Variants in ARFGAP1 observed in about 807,000 individuals in gnomAD.
The protein encoded by ARFGAP1 is ARF GTPase activating protein 1, also known as ADP-ribosylation factor GTPase-activating protein 1.
A neutral mutation model predicts 54.0 loss-of-function variants in ARFGAP1; 26 were observed. The ratio of observed to expected loss-of-function variants is 0.48; its 90% CI spans 0.35 to 0.67. The LOEUF is 0.67. ARFGAP1 is among the 30% of genes least tolerant of loss of function. The probability of loss-of-function intolerance (pLI) is 0.00; values close to 1 mark genes in which losing one functional copy is unlikely to be tolerated. For missense variants in ARFGAP1, 525 were observed against 535.8 expected (o/e 0.98, Z 0.20); for synonymous variants, 248 against 211.9 (o/e 1.17, Z -1.48).
At chr20:63,286,052 T>G (rs1442362551) in intron 11 of ARFGAP1, 1 of 1,549,508 alleles carries the variant, frequency 6.5e-7, no homozygotes, top group Non-Finnish European at 8.7e-7. Flanking sequence ...TTGTCCTGTT[T>G]CCTGGCATGA....
intron 7 of ARFGAP1, 64 bp downstream of exon 7, chr20:63,279,059 C>T: frequency 6.7e-7 from 1 of 1,503,616 alleles, no homozygotes; most frequent in Non-Finnish European, 9.2e-7. Flanking sequence ...CACGACGGGC[C>T]ATAGTGGGCA....
At chr20:63,284,343 G>A (rs2067466641) in intron 9 of ARFGAP1, 1 of 1,066,594 alleles carries the variant, frequency 9.4e-7, no homozygotes, top group Non-Finnish European at 1.1e-6. Context: ...GGAAGAGGAG[G>A]CCTCACACCA....
At chr20:63,280,274 T>A (rs577224910) in intron 7 of ARFGAP1, among the ~76,000 whole-genome samples, 1 of 152,332 alleles carries the variant, frequency 6.6e-6, no homozygotes, top group South Asian at 2.1e-4. Flanking sequence ...TTGTTTTTTG[T>A]TTTTTTGTTT....
Position 63,287,681 on chromosome 20 carries a change from C to T in ARFGAP1, c.1029C>T (p.Ser343=), listed in dbSNP as rs2067597168. 1.9e-6 allele frequency: 3 copies of T among 1,612,512 alleles called. No homozygotes were observed. Among genetic ancestry groups the T allele is most frequent in the Non-Finnish European group, 2.5e-6 (3 of 1,179,894 alleles). Reference sequence around the variant, plus strand: ...CTGAGCCCACCAAGACCCGCAAGTCCCCGAGCAGCGACAGCTGGACGTGCG... The same window carrying T: ...CTGAGCCCACCAAGACCCGCAAGTCTCCGAGCAGCGACAGCTGGACGTGCG... The part of the protein sequence containing the change: ...GSAEPTKTRK[S]PSSDSWTCAD... Residue 343 remains serine (S), a synonymous_variant, in exon 13 of 13, where the codon TCC becomes TCT. Coordinates refer to ENST00000370283, the MANE Select transcript of ARFGAP1 (RefSeq NM_018209.4).
chr20:63,276,940 G>A lies in ARFGAP1; in HGVS notation c.343-265G>A, dbSNP rs907438419. Among the ~76,000 whole-genome samples the A allele has an allele frequency of 1.3e-5, 2 of 152,182 alleles. No individual in the cohort carries two copies. Among genetic ancestry groups the A allele is most frequent in the African/African-American group, 4.8e-5 (2 of 41,432 alleles). On this transcript the variant is annotated intron_variant, in intron 4 of 12. Transcript: ENST00000370283. This position sits in a 1 kb window ranked among gnomAD's most constrained non-coding sequence, Gnocchi z 5.2. The stretch of plus-strand genomic sequence containing the variant: ...CACAGTGTTTCTAAGAAGTCTGGAG[G>A]CCAAATAGGTGGGTCCCCCTGTGTT...
At chr20:63,278,093 CCAG>C in intron 5 of ARFGAP1, 21 bp from the exon 6 acceptor site, 1 of 1,612,364 alleles carries the variant, frequency 6.2e-7, no homozygotes, top group Non-Finnish European at 8.5e-7. Flanking sequence ...TTTGGCCTTA[CCAG>C]CCTTCGATTC....
chr20:63,284,436 A>AT (rs2067469448), intron 9 of ARFGAP1: 1 of 1,079,984 alleles, frequency 9.3e-7, no homozygotes, highest in Non-Finnish European at 1.1e-6. Flanking sequence ...GCTTCTTCCT[A>AT]TGGCCCCAGC....
chr20:63,284,229 G>T, intron 9 of ARFGAP1: 1 of 1,220,244 alleles, frequency 8.2e-7, no homozygotes, highest in Non-Finnish European at 1.0e-6. Context: ...AGGGTTTCCT[G>T]GCCACCTGCG....
chr20:63,289,759 C>T lies in ARFGAP1; in HGVS notation c.*1886C>T, dbSNP rs931812777. The T allele has an allele frequency of 3.9e-5, 6 of 152,434 alleles. No homozygotes were observed. Among genetic ancestry groups the T allele is most frequent in the African/African-American group, 7.2e-5 (3 of 41,570 alleles). 9.4% of individuals were successfully genotyped at this position (152,434 alleles called of 1,614,324 possible). A position where few individuals can be genotyped will look rare whatever the true frequency, so the allele number is the denominator to read the frequency against. On this transcript the variant is annotated 3_prime_UTR_variant, in exon 13 of 13. Coordinates refer to ENST00000370283, the MANE Select transcript of ARFGAP1 (RefSeq NM_018209.4). ...GCCCAGGTGGAAGGCGCGGACCTGA[C>T]AGCATTCCAATAAAGCATACGGGAA...
At chr20:63,273,527 T>C (rs2067156428) in intron 1 of ARFGAP1, 1 of 152,260 alleles carries the variant, frequency 6.6e-6, no homozygotes, top group African/African-American at 2.4e-5. Context: ...AGGTATTTGC[T>C]TTCGTGTTAC....
At position 63,276,607 on chromosome 20, in the gene ARFGAP1, C is replaced by A; in HGVS notation, c.298C>A (p.Gln100Lys). The A allele has an allele frequency of 6.2e-7, 1 of 1,613,784 alleles. No individual in the cohort carries two copies. The highest frequency in any genetic ancestry group is 1.1e-5 in the South Asian group (1 of 91,060). Residue 100 changes from glutamine to lysine, a missense_variant, in exon 4 of 13, where the codon CAG becomes AAG. By Grantham distance (53) the Gln-to-Lys change is moderately conservative. Transcript: ENST00000370283. The surrounding 1 kb of genome is among the most constrained non-coding windows in gnomAD (Gnocchi z 5.2). ...QEDYDPCWSL[Q>K]EKYNSRAAAL... ...GGATTACGATCCTTGCTGGTCCTTGCAGGAGAAGTACAACAGCAGAGCCGC... is the reference window on the plus strand; with the variant it reads ...GGATTACGATCCTTGCTGGTCCTTGAAGGAGAAGTACAACAGCAGAGCCGC...
intron 9 of ARFGAP1, chr20:63,283,793 AC>A: frequency 6.2e-7 from 1 of 1,602,418 alleles, no homozygotes; most frequent in South Asian, 1.1e-5. Context: ...GCTGCTGGTT[AC>A]TAATGCCGCC....
chr20:63,274,742 T>G (rs959941339), intron 1 of ARFGAP1, among the ~76,000 whole-genome samples: 4 of 152,060 alleles, frequency 2.6e-5, no homozygotes, highest in African/African-American at 7.2e-5. Context: ...GACGCTGGGG[T>G]TGGTACCACC....
At chr20:63,285,813 C>T in intron 11 of ARFGAP1, 100 bp downstream of exon 11, 1 of 1,533,966 alleles carries the variant, frequency 6.5e-7, no homozygotes, top group South Asian at 1.1e-5. Flanking sequence ...GCCCTCAGCC[C>T]AGCTTGGCAG....
At position 63,284,856 on chromosome 20, in the gene ARFGAP1, C is replaced by T. The variant is rs200920656; in HGVS notation, c.718-10C>T. 22 of 1,612,584 alleles carry T rather than the reference C, an allele frequency of 1.4e-5. No individual in the cohort carries two copies. In the East Asian group the frequency reaches 2.7e-4, roughly 20 times the overall value. ...CTGTCGTGGGGCTCACGTGACTTCC[C>T]TTCCTACAGGCGTCCGAGCTGGGCC... On this transcript the variant is annotated splice_polypyrimidine_tract_variant and intron_variant, in intron 9 of 12. Transcript: ENST00000370283.
intron 9 of ARFGAP1, chr20:63,284,622 C>T (rs1378811930): frequency 6.7e-5 from 92 of 1,370,312 alleles, no homozygotes; most frequent in Non-Finnish European, 8.6e-5. Context: ...GAGGGAGGAC[C>T]CTGGAGGGGG....
intron 12 of ARFGAP1, among the ~76,000 whole-genome samples, chr20:63,287,342 G>T (rs1483717478): frequency 1.3e-5 from 2 of 152,244 alleles, no homozygotes; most frequent in African/African-American, 4.8e-5. Context: ...TCCTCCAGTT[G>T]GGGTGGTTGA....
intron 9 of ARFGAP1, chr20:63,283,856 G>C: frequency 6.2e-7 from 1 of 1,613,746 alleles, no homozygotes; most frequent in Non-Finnish European, 8.5e-7. Flanking sequence ...TAAAGTTTTG[G>C]GGTCACAAGC....
Position 63,276,316 on chromosome 20 carries a change from C to A in ARFGAP1, c.170+116C>A. 1.4e-6 allele frequency: 2 copies of A among 1,384,664 alleles called. No homozygotes were observed. Among genetic ancestry groups the A allele is most frequent in the South Asian group, 1.2e-5 (1 of 80,240 alleles). The allele number at this position is 1,384,664 out of a possible 1,614,324, so 85.8% of individuals were successfully genotyped here. On this transcript the variant is annotated intron_variant, in intron 3 of 12. Transcript: ENST00000370283. The surrounding 1 kb of genome is among the most constrained non-coding windows in gnomAD (Gnocchi z 5.2). ...TGGGGGCCACCTCCCATTGCATTGCCAGTGTCCACTCTAGTGACGCCATGG... is the reference window on the plus strand; with the variant it reads ...TGGGGGCCACCTCCCATTGCATTGCAAGTGTCCACTCTAGTGACGCCATGG...
Sources: allele counts gnomAD v4.1 joint callset (sites outside exome capture counted in the v4.1 genomes callset), GRCh38; gene constraint gnomAD v4.1.1; non-coding constraint Gnocchi (gnomAD v3.1); transcripts MANE v1.5; gene names NCBI Gene and HGNC (gene_info 2026-07-23, HGNC 2026-07-21).